RASAL2: variants seen among roughly 807,000 people sequenced by gnomAD.
The protein encoded by RASAL2 is RAS protein activator like 2, also known as ras GTPase-activating protein nGAP.
RASAL2 carries 58 observed loss-of-function variants against 128.9 expected under a neutral mutation model. The observed-to-expected ratio is 0.45, with a 90% CI of 0.36 to 0.56. The LOEUF is 0.56. Among genes scored for constraint, RASAL2 ranks in the 20% least tolerant of loss-of-function variants. RASAL2 has a pLI of 0.00. For synonymous variants in RASAL2, 561 were observed against 580.8 expected, an observed-to-expected ratio of 0.97 and a Z score of 0.49; for missense variants, 1,360 against 1,601.6, an observed-to-expected ratio of 0.85 and a Z score of 2.57.
intron 1 of RASAL2, among the ~76,000 whole-genome samples, chr1:178,235,938 A>G (rs1295907358): frequency 6.6e-6 from 1 of 152,212 alleles, no homozygotes; most frequent in Non-Finnish European, 1.5e-5. Context: ...GGCGAGAGCT[A>G]GTATCCTAAT....
intron 1 of RASAL2, among the ~76,000 whole-genome samples, chr1:178,144,577 A>G (rs576766266): frequency 1.3e-5 from 2 of 152,234 alleles, no homozygotes; most frequent in African/African-American, 2.4e-5. Flanking sequence ...GTTAATTAAT[A>G]TTTGCTTTTT....
intron 5 of RASAL2, among the ~76,000 whole-genome samples, chr1:178,424,778 T>C (rs1572050464): frequency 6.6e-6 from 1 of 152,204 alleles, no homozygotes; most frequent in Non-Finnish European, 1.5e-5. Context: ...TTTTAAAAGA[T>C]AAAATTATTC....
intron 1 of RASAL2, among the ~76,000 whole-genome samples, chr1:178,255,382 T>C (rs887028724): frequency 6.6e-6 from 1 of 152,180 alleles, no homozygotes; most frequent in Non-Finnish European, 1.5e-5. Context: ...ATTATTATTG[T>C]TGGGCTCATA....
intron 3 of RASAL2, among the ~76,000 whole-genome samples, chr1:178,351,931 A>G (rs1670534236): frequency 6.6e-6 from 1 of 152,200 alleles, no homozygotes; most frequent in Non-Finnish European, 1.5e-5. Flanking sequence ...ATACTCTTTG[A>G]GGCTGAAGCA....
chr1:178,266,483 C>T (rs955540398), intron 1 of RASAL2, among the ~76,000 whole-genome samples: 1 of 152,160 alleles, frequency 6.6e-6, no homozygotes, highest in Non-Finnish European at 1.5e-5. Flanking sequence ...CAGCCTTATT[C>T]ATTTTGATAC....
chr1:178,473,045 C>T, intron 17 of RASAL2, 30 bp from the exon 18 acceptor site: 1 of 1,611,536 alleles, frequency 6.2e-7, no homozygotes, highest in Non-Finnish European at 8.5e-7. Flanking sequence ...TGCCTGTAGC[C>T]TGAATAAAGC....
intron 1 of RASAL2, among the ~76,000 whole-genome samples, chr1:178,282,965 C>T (rs930000790): frequency 3.3e-5 from 5 of 152,088 alleles, no homozygotes; most frequent in Non-Finnish European, 4.4e-5. Context: ...GCTTTAATAT[C>T]GGGTACCTCC....
chr1:178,231,822 G>A (rs750003881), intron 1 of RASAL2, among the ~76,000 whole-genome samples: 10 of 152,016 alleles, frequency 6.6e-5, no homozygotes, highest in Non-Finnish European at 1.2e-4. Context: ...ATGTACAATT[G>A]TAAGATTCTC....
chr1:178,384,992 G>A (rs1421120140), intron 3 of RASAL2, among the ~76,000 whole-genome samples: 1 of 152,098 alleles, frequency 6.6e-6, no homozygotes, highest in Admixed American at 6.5e-5. Context: ...ATATTTGACC[G>A]TATAGTAATG....
intron 4 of RASAL2, among the ~76,000 whole-genome samples, chr1:178,408,182 T>C (rs576500369): frequency 5.3e-5 from 8 of 152,342 alleles, no homozygotes; most frequent in African/African-American, 1.2e-4. Context: ...CAACAGCATT[T>C]GAAAAAATTG....
intron 1 of RASAL2, among the ~76,000 whole-genome samples, chr1:178,235,440 T>C (rs187345046): frequency 6.6e-6 from 1 of 152,300 alleles, no homozygotes; most frequent in Admixed American, 6.5e-5. Context: ...ATATAAAATG[T>C]AATAATATGT....
chr1:178,126,111 G>C (rs918549744), intron 1 of RASAL2, among the ~76,000 whole-genome samples: 4 of 152,140 alleles, frequency 2.6e-5, no homozygotes, highest in African/African-American at 9.7e-5. Flanking sequence ...TAAGAAAACT[G>C]AGACATAGGG....
chr1:178,247,469 A>G (rs1467899217), intron 1 of RASAL2, among the ~76,000 whole-genome samples: 2 of 151,600 alleles, frequency 1.3e-5, no homozygotes, highest in Non-Finnish European at 2.9e-5. Flanking sequence ...CTTCTCTCTT[A>G]TTAGTCTATC....
intron 3 of RASAL2, among the ~76,000 whole-genome samples, chr1:178,384,693 A>AC (rs1557946427): frequency 2.0e-5 from 3 of 147,446 alleles, no homozygotes; most frequent in African/African-American, 7.8e-5. Context: ...CACACACACA[A>AC]AAAAAAAACT....
chr1:178,261,456 G>A (rs1218334196), intron 1 of RASAL2, among the ~76,000 whole-genome samples: 1 of 151,942 alleles, frequency 6.6e-6, no homozygotes, highest in Non-Finnish European at 1.5e-5. Flanking sequence ...GTGTTTTTAT[G>A]TTGCAGTAGT....
chr1:178,373,274 C>CTTTTTTTTTTTTTTTCTTTTTTTTTTTT (rs60835442), intron 3 of RASAL2, among the ~76,000 whole-genome samples: 1 of 60,072 alleles, frequency 1.7e-5, no homozygotes, highest in South Asian at 7.8e-4. Flanking sequence ...TGTTTCTTTC[C>CTTTTTTTTTTTTTTTCTTTTTTTTTTTT]TTTTTTTTTT....
intron 5 of RASAL2, among the ~76,000 whole-genome samples, chr1:178,439,101 C>T (rs1368569062): frequency 2.6e-5 from 4 of 151,902 alleles, no homozygotes; most frequent in African/African-American, 9.7e-5. Flanking sequence ...ATATATTTCT[C>T]CGTCTTCCAA....
intron 1 of RASAL2, among the ~76,000 whole-genome samples, chr1:178,250,447 T>C (rs992029645): frequency 1.8e-4 from 28 of 152,324 alleles, no homozygotes; most frequent in African/African-American, 6.3e-4. Context: ...TCATCCCAGG[T>C]CGACTTCAGA....
intron 17 of RASAL2, among the ~76,000 whole-genome samples, chr1:178,472,567 T>C (rs1328505507): frequency 6.6e-6 from 1 of 152,210 alleles, no homozygotes; most frequent in Non-Finnish European, 1.5e-5. Flanking sequence ...ACTGCCACCA[T>C]GTATTGTTTT....
Sources: gnomAD v4.1 joint callset for allele counts (sites outside exome capture counted in the v4.1 genomes callset) on GRCh38, gnomAD v4.1.1 for gene constraint, MANE v1.5 for transcripts, NCBI Gene and HGNC (gene_info 2026-07-23, HGNC 2026-07-21) for gene names.